The following PDE1C variants were observed in gnomAD, a reference collection of about 807,000 sequenced individuals.
The protein encoded by PDE1C is dual specificity calcium/calmodulin-dependent 3',5'-cyclic nucleotide phosphodiesterase 1C.
PDE1C carries 62 observed loss-of-function variants against 93.1 expected under a neutral mutation model. That is an observed-to-expected ratio of 0.67 (90% CI 0.54 to 0.82). The LOEUF (loss-of-function observed/expected upper bound fraction) is 0.82, where lower values mean the gene tolerates loss of function less well. PDE1C is among the 40% of genes least tolerant of loss of function. The pLI, the probability that PDE1C is intolerant of heterozygous loss-of-function variation, is 0.00. For synonymous variants in PDE1C, 325 were observed against 310.1 expected (o/e 1.05, Z -0.50); for missense variants, 742 against 884.6 (o/e 0.84, Z 2.04).
intron 2 of PDE1C, among the ~76,000 whole-genome samples, chr7:32,044,763 C>T (rs914849291): frequency 2.0e-5 from 3 of 152,078 alleles, no homozygotes; most frequent in African/African-American, 7.2e-5. Flanking sequence ...TACAAAGGGG[C>T]TCAGAAGTTT....
chr7:31,775,719 AC>A lies in PDE1C; in HGVS notation c.1904del (p.Arg635LeufsTer62). The A allele has an allele frequency of 6.2e-7, 1 of 1,612,840 alleles. No homozygotes were observed. On this transcript the variant is annotated frameshift_variant, in exon 17 of 18. Coordinates refer to ENST00000396191, the MANE Select transcript of PDE1C (RefSeq NM_001191057.4). LOFTEE classifies it high-confidence loss of function. Reference protein sequence around the residue: ...DSKKTDGTKQRSHGSPAPSTS... With the variant: ...DSKKTDGTKQXSHGSPAPSTS... ...TGCTTGGGGCTGGTGAGCCGTGAGA[AC>A]GCTGTTTTGTGCCTGTGAAGAGGAA...
At chr7:32,010,598 G>T (rs568524452) in intron 2 of PDE1C, among the ~76,000 whole-genome samples, 1 of 152,298 alleles carries the variant, frequency 6.6e-6, no homozygotes, top group African/African-American at 2.4e-5. Flanking sequence ...TGCAATGTCT[G>T]CCATAGAAAA....
chr7:32,198,696 CT>C (rs1331922765), intron 2 of PDE1C, among the ~76,000 whole-genome samples: 10 of 152,166 alleles, frequency 6.6e-5, no homozygotes, highest in Non-Finnish European at 4.4e-5. Flanking sequence ...TTTCCAGAAA[CT>C]TTTCTTTGAC....
intron 1 of PDE1C, among the ~76,000 whole-genome samples, chr7:32,423,975 T>C (rs1257969201): frequency 6.6e-6 from 1 of 152,254 alleles, no homozygotes; most frequent in African/African-American, 2.4e-5. Context: ...GAGCCTCTCA[T>C]AATCAACTTC....
At chr7:31,619,787 G>A in the PDE1C span, among the ~76,000 whole-genome samples, 1 of 152,170 alleles carries the variant, frequency 6.6e-6, no homozygotes. Flanking sequence ...CCATGCACAA[G>A]CTGAAGCAGC....
rs190249368 is a variant in PDE1C, at chr7:32,028,385, G to A, written c.128+23169C>T. 4.4e-3 allele frequency among the ~76,000 whole-genome samples: 665 copies of A among 152,164 alleles called. 2 individuals carry two copies. The highest frequency in any genetic ancestry group is 7.4e-3 in the Non-Finnish European group (503 of 67,982). On this transcript the variant is annotated intron_variant, in intron 2 of 17. Transcript: ENST00000396191. ...ATGCTTCATTATTCCTACTACTGGA[G>A]GTTCACCAGAGTCAGCAGTAACAGT... is the stretch of plus-strand genomic sequence containing the variant.
chr7:31,726,554 T>C, the PDE1C span, among the ~76,000 whole-genome samples: 2 of 152,186 alleles, frequency 1.3e-5, no homozygotes, highest in African/African-American at 4.8e-5. Flanking sequence ...TCTGTGTCCA[T>C]GATATGGACC....
chr7:32,091,349 C>T (rs1352848950), intron 3 of PDE1C, among the ~76,000 whole-genome samples: 1 of 152,134 alleles, frequency 6.6e-6, no homozygotes, highest in African/African-American at 2.4e-5. Context: ...AATAGGTAAC[C>T]AAATAATGTG....
the PDE1C span, chr7:31,653,098 G>A: frequency 1.5e-6 from 1 of 668,150 alleles, no homozygotes; most frequent in Non-Finnish European, 2.2e-6. Context: ...AGAACTTACA[G>A]TGTAGTGGGG....
intron 17 of PDE1C, among the ~76,000 whole-genome samples, chr7:31,770,164 A>G (rs1000974278): frequency 1.3e-5 from 2 of 152,208 alleles, no homozygotes; most frequent in African/African-American, 2.4e-5. Context: ...ATGACTAATA[A>G]TGTTGAATAT....
intron 2 of PDE1C, among the ~76,000 whole-genome samples, chr7:32,187,611 C>G (rs1271419585): frequency 6.8e-6 from 1 of 147,558 alleles, no homozygotes; most frequent in Non-Finnish European, 1.5e-5. Flanking sequence ...GGTTTTGGTG[C>G]TCAATACTTC....
At chr7:31,682,528 T>C in the PDE1C span, among the ~76,000 whole-genome samples, 1 of 152,100 alleles carries the variant, frequency 6.6e-6, no homozygotes, top group African/African-American at 2.4e-5. Context: ...CTGGTGGAAA[T>C]GAAAAATGGC....
chr7:32,343,257 G>A (rs529703588), intron 1 of PDE1C, among the ~76,000 whole-genome samples: 1 of 152,170 alleles, frequency 6.6e-6, no homozygotes, highest in African/African-American at 2.4e-5. Context: ...ACATTTAAAC[G>A]TCAAATTTTG....
the PDE1C span, among the ~76,000 whole-genome samples, chr7:31,702,204 TTTA>T: frequency 8.1e-6 from 1 of 123,608 alleles, no homozygotes; most frequent in Non-Finnish European, 1.7e-5. Context: ...TTCACCCTTA[TTTA>T]TTTTTTTTTT....
At chr7:31,628,824 G>A in the PDE1C span, among the ~76,000 whole-genome samples, 1 of 152,278 alleles carries the variant, frequency 6.6e-6, no homozygotes, top group Non-Finnish European at 1.5e-5. Flanking sequence ...GAAATGGGCT[G>A]CCTTGTAAAA....
the PDE1C span, among the ~76,000 whole-genome samples, chr7:31,633,022 G>C: frequency 8.1e-4 from 123 of 152,194 alleles, 1 homozygote; most frequent in East Asian, 0.019. Flanking sequence ...GAGTAACTGG[G>C]ATTACAGGTG....
intron 2 of PDE1C, among the ~76,000 whole-genome samples, chr7:31,983,356 T>C (rs181671029): frequency 9.2e-5 from 14 of 152,276 alleles, no homozygotes; most frequent in African/African-American, 3.4e-4. Context: ...TCAGGAGAGT[T>C]GGGGAAGCTC....
chr7:31,906,817 G>A (rs10215365), intron 2 of PDE1C, among the ~76,000 whole-genome samples: 14,729 of 152,018 alleles, frequency 0.097, 930 homozygotes, highest in Admixed American at 0.21. Flanking sequence ...TTTCTTCTTT[G>A]GTAAAATAGG....
At chr7:32,212,154 G>T (rs557016830) in intron 1 of PDE1C, among the ~76,000 whole-genome samples, 4 of 151,828 alleles carry the variant, frequency 2.6e-5, no homozygotes, top group Non-Finnish European at 5.9e-5. Flanking sequence ...CATTGCAATT[G>T]CTGAGAACAC....
Sources: gnomAD v4.1 joint callset for allele counts (sites outside exome capture counted in the v4.1 genomes callset) on GRCh38, gnomAD v4.1.1 for gene constraint, MANE v1.5 for transcripts, NCBI Gene and HGNC (gene_info 2026-07-23, HGNC 2026-07-21) for gene names.